PRMT3: variants seen among roughly 807,000 people sequenced by gnomAD.
PRMT3 encodes the protein protein arginine methyltransferase 3.
A neutral mutation model predicts 71.9 loss-of-function variants in PRMT3; 62 were observed. The ratio of observed to expected loss-of-function variants is 0.86; its 90% confidence interval spans 0.70 to 1.07. The LOEUF is 1.07. Ranked by LOEUF, PRMT3 falls within the 50% of genes least tolerant of loss-of-function variation. The pLI is 0.00. For synonymous variants in PRMT3, 213 were observed against 220.4 expected (o/e 0.97, Z 0.30); for missense variants, 663 against 643.0 (o/e 1.03, Z -0.34).
chr11:20,429,985 C>T (rs1297293500), intron 10 of PRMT3, among the ~76,000 whole-genome samples: 1 of 152,066 alleles, frequency 6.6e-6, no homozygotes, highest in Non-Finnish European at 1.5e-5. Context: ...ACATCAATTA[C>T]ATAATTAAAC....
At position 20,395,947 on chromosome 11, in the gene PRMT3, A is replaced by G. The variant is rs1290414062; in HGVS notation, c.545A>G (p.Asp182Gly). The G allele has an allele frequency of 3.7e-6, 6 of 1,609,966 alleles. No homozygotes were observed. The highest frequency in any genetic ancestry group is 2.2e-5 in the East Asian group (1 of 44,876). The change falls in exon 6 of 16, where the codon GAT (aspartate) becomes GGT (glycine). Residue 182 changes from aspartate to glycine, a missense_variant. Coordinates refer to ENST00000331079, the MANE Select transcript of PRMT3 (RefSeq NM_005788.4). ...GCCGCATTGGCCAGAGCACGTGAGG[A>G]TCTGCAAAAAATGAAGTAATTTATC... ...AEAALARARE[D>G]LQKMKQFAQD... is the part of the protein sequence containing the mutation.
chr11:20,456,172 T>A (rs996336107), intron 11 of PRMT3, among the ~76,000 whole-genome samples: 1 of 152,188 alleles, frequency 6.6e-6, no homozygotes, highest in Non-Finnish European at 1.5e-5. Flanking sequence ...ATAGGTAGAT[T>A]ATATAAATAA....
intron 13 of PRMT3, among the ~76,000 whole-genome samples, chr11:20,472,720 G>A (rs1850677850): frequency 6.6e-6 from 1 of 152,090 alleles, no homozygotes; most frequent in Admixed American, 6.6e-5. Context: ...GATGATGCTG[G>A]CCTCATAGAA....
chr11:20,396,080 A>G, intron 6 of PRMT3, 118 bp downstream of exon 6: 1 of 870,580 alleles, frequency 1.1e-6, no homozygotes, highest in East Asian at 2.7e-5. Context: ...TAGATATTTT[A>G]TCTTCATACT....
chr11:20,484,636 T>G (rs1262409431), intron 13 of PRMT3, among the ~76,000 whole-genome samples: 1 of 152,174 alleles, frequency 6.6e-6, no homozygotes, highest in Non-Finnish European at 1.5e-5. Context: ...CCACCATGAT[T>G]GTGAGACTTC....
chr11:20,461,204 A>G (rs1850375674), intron 11 of PRMT3, among the ~76,000 whole-genome samples: 1 of 152,116 alleles, frequency 6.6e-6, no homozygotes, highest in Non-Finnish European at 1.5e-5. Context: ...CTTTATGCAC[A>G]CTGCTGCTCA....
chr11:20,467,850 G>A (rs911002397), intron 13 of PRMT3, among the ~76,000 whole-genome samples: 6 of 152,132 alleles, frequency 3.9e-5, no homozygotes, highest in African/African-American at 1.2e-4. Flanking sequence ...CTTCTATTAG[G>A]TGTTCATTAT....
intron 10 of PRMT3, among the ~76,000 whole-genome samples, chr11:20,437,397 C>T (rs1392645836): frequency 7.2e-5 from 11 of 152,256 alleles, no homozygotes; most frequent in Non-Finnish European, 1.6e-4. Flanking sequence ...GTTGCCTTTT[C>T]TAGACTTCCT....
chr11:20,445,588 T>C (rs539957837), intron 10 of PRMT3, among the ~76,000 whole-genome samples: 1 of 152,110 alleles, frequency 6.6e-6, no homozygotes, highest in African/African-American at 2.4e-5. Flanking sequence ...GGTACAGTAA[T>C]AACGAATAGT....
At chr11:20,490,582 A>G (rs1047410146) in intron 13 of PRMT3, among the ~76,000 whole-genome samples, 1 of 152,168 alleles carries the variant, frequency 6.6e-6, no homozygotes, top group Admixed American at 6.5e-5. Flanking sequence ...TAGTAAGCTA[A>G]TAAGAGCTTT....
chr11:20,445,757 A>C (rs1396620408), intron 10 of PRMT3, among the ~76,000 whole-genome samples: 1 of 152,120 alleles, frequency 6.6e-6, no homozygotes, highest in East Asian at 1.9e-4. Context: ...GTTACCACTT[A>C]TACTTACATC....
At chr11:20,485,559 A>T (rs1309446178) in intron 13 of PRMT3, among the ~76,000 whole-genome samples, 1 of 152,136 alleles carries the variant, frequency 6.6e-6, no homozygotes, top group African/African-American at 2.4e-5. Context: ...ATTAAATATG[A>T]TTTGAACAGC....
chr11:20,413,815 A>G (rs1031978142), intron 9 of PRMT3, among the ~76,000 whole-genome samples: 39 of 152,122 alleles, frequency 2.6e-4, no homozygotes, highest in African/African-American at 9.2e-4. Context: ...ATACTTGTCT[A>G]TTCTTGCATA....
At chr11:20,441,733 T>C (rs1849907947) in intron 10 of PRMT3, among the ~76,000 whole-genome samples, 2 of 152,094 alleles carry the variant, frequency 1.3e-5, no homozygotes, top group Admixed American at 6.6e-5. Flanking sequence ...GCAGAAAACC[T>C]TGGTTCCTAA....
chr11:20,403,764 A>T (rs879635722), intron 8 of PRMT3, among the ~76,000 whole-genome samples: 2 of 151,806 alleles, frequency 1.3e-5, no homozygotes, highest in Admixed American at 1.3e-4. Context: ...TTCCTTGGAA[A>T]TTTTTTCCCA....
At chr11:20,460,853 AT>A (rs1040832157) in intron 11 of PRMT3, among the ~76,000 whole-genome samples, 9 of 152,308 alleles carry the variant, frequency 5.9e-5, no homozygotes, top group African/African-American at 2.2e-4. Flanking sequence ...CTTCATAAAT[AT>A]CCCTTGAATA....
intron 11 of PRMT3, among the ~76,000 whole-genome samples, chr11:20,461,636 A>G (rs1257168058): frequency 6.6e-6 from 1 of 152,214 alleles, no homozygotes; most frequent in Non-Finnish European, 1.5e-5. Flanking sequence ...TTAGAGGAAT[A>G]TAGGAATAAG....
chr11:20,402,100 CCTTT>C (rs1192236625), intron 7 of PRMT3, among the ~76,000 whole-genome samples: 2 of 151,622 alleles, frequency 1.3e-5, no homozygotes, highest in Admixed American at 6.7e-5. Context: ...ACTTTTATCT[CCTTT>C]CTATTTTTGT....
At chr11:20,482,238 A>T (rs979193521) in intron 13 of PRMT3, among the ~76,000 whole-genome samples, 1 of 152,142 alleles carries the variant, frequency 6.6e-6, no homozygotes, top group South Asian at 2.1e-4. Flanking sequence ...TTTTATCAGC[A>T]TTTTAAAAAA....
Sources: allele counts gnomAD v4.1 joint callset (sites outside exome capture counted in the v4.1 genomes callset), GRCh38; gene constraint gnomAD v4.1.1; transcripts MANE v1.5; gene names NCBI Gene and HGNC (gene_info 2026-07-23, HGNC 2026-07-21).